USP36: variants seen among roughly 807,000 people sequenced by gnomAD.
USP36 encodes the protein ubiquitin specific peptidase 36, also known as ubiquitin carboxyl-terminal hydrolase 36.
USP36 carries 59 observed loss-of-function variants against 111.5 expected under a neutral mutation model. The observed-to-expected ratio is 0.53, with a 90% CI of 0.43 to 0.66. The LOEUF is 0.66. Ranked by LOEUF, USP36 falls within the 30% of genes least tolerant of loss-of-function variation. The pLI, the probability that USP36 is intolerant of heterozygous loss-of-function variation, is 0.00. For missense variants in USP36, 1,488 were observed against 1,468.0 expected, an observed-to-expected ratio of 1.01 and a Z score of -0.22; for synonymous variants, 628 against 581.0, an observed-to-expected ratio of 1.08 and a Z score of -1.16.
At position 78,803,696 on chromosome 17, in the gene USP36, G is replaced by C; in HGVS notation, c.2499C>G (p.Ile833Met). The C allele has an allele frequency of 6.2e-7, 1 of 1,611,634 alleles. No individual in the cohort carries two copies. Among genetic ancestry groups the C allele is most frequent in the Non-Finnish European group, 8.5e-7 (1 of 1,179,846 alleles). Residue 833 changes from isoleucine to methionine, a missense_variant, in exon 16 of 21, where the codon ATC (isoleucine) becomes ATG (methionine). Ile to Met is a conservative substitution (Grantham distance 10). Coordinates refer to ENST00000449938, the MANE Select transcript of USP36 (RefSeq NM_001385174.1). The surrounding 1 kb of genome is among the most constrained non-coding windows in gnomAD (Gnocchi z 4.6). Reference protein sequence around the residue: ...LGSETRLPQHIREATAAPHGK... With the variant: ...LGSETRLPQHMREATAAPHGK... ...CGTGGGGAGCCGCAGTGGCCTCCCTGATGTGCTGTGGGAGGCGCGTCTCTG... is the reference window on the plus strand; with the variant it reads ...CGTGGGGAGCCGCAGTGGCCTCCCTCATGTGCTGTGGGAGGCGCGTCTCTG...
chr17:78,836,596 C>T (rs988844409), intron 2 of USP36, among the ~76,000 whole-genome samples: 1 of 152,102 alleles, frequency 6.6e-6, no homozygotes, highest in African/African-American at 2.4e-5. Context: ...GATGCCACTA[C>T]AAATAGAGGT....
Position 78,797,319 on chromosome 17 carries a change from C to T in USP36, c.*581G>A, listed in dbSNP as rs2093644311. 6.6e-6 allele frequency: 1 copy of T among 152,280 alleles called. No homozygotes were observed. The highest frequency in any genetic ancestry group is 6.5e-5 in the Admixed American group (1 of 15,282). The allele number at this position is 152,280 out of a possible 1,614,324, so 9.4% of individuals were successfully genotyped here. ...AAGGAAGGGGTGCACAGTAGGGCCA[C>T]CCTCTCGAGTTCCATAAAAGGGAGA... On this transcript the variant is annotated 3_prime_UTR_variant, in exon 21 of 21. Transcript: ENST00000449938.
At chr17:78,801,691 G>A (rs2093747257) in intron 17 of USP36, among the ~76,000 whole-genome samples, 1 of 152,176 alleles carries the variant, frequency 6.6e-6, no homozygotes, top group Non-Finnish European at 1.5e-5. Context: ...GAATGGCCCA[G>A]CTACATAGAG....
At position 78,807,586 on chromosome 17, in the gene USP36, A is replaced by G; in HGVS notation, c.1458T>C (p.Gly486=). The change falls in exon 14 of 21, where the codon GGT becomes GGC. Residue 486 remains glycine, a synonymous_variant. Coordinates refer to ENST00000449938, the MANE Select transcript of USP36 (RefSeq NM_001385174.1). ...TGGAGCCATTCCTGGATATGGGCAC[A>G]CCAATCTCTTCAGTGGTGTGCGGCT... ...MKKPHTTEEI[G]VPISRNGSTL... The G allele has an allele frequency of 6.3e-7, 1 of 1,591,790 alleles. No homozygotes were observed. Among genetic ancestry groups the G allele is most frequent in the South Asian group, 1.1e-5 (1 of 87,472 alleles).
rs767930328 is a variant in USP36, at chr17:78,807,139, G to A, written c.1905C>T (p.Ala635=). The A allele has an allele frequency of 2.2e-5, 36 of 1,614,224 alleles. No individual in the cohort carries two copies. Among genetic ancestry groups the A allele is most frequent in the South Asian group, 4.4e-5 (4 of 91,088 alleles). ...TCGTTTCCTGAGAATCGCAGAGATG[G>A]GCCGCTCCACTCCTGGGGGTCTGGG... ...KAPQTPRSGA[A]HLCDSQETNC... is the part of the protein sequence containing the mutation. Residue 635 remains alanine, a synonymous_variant, in exon 14 of 21, where the codon GCC becomes GCT. Coordinates refer to ENST00000449938, the MANE Select transcript of USP36 (RefSeq NM_001385174.1).
At chr17:78,812,394 T>G (rs1010114603) in intron 13 of USP36, among the ~76,000 whole-genome samples, 2 of 151,940 alleles carry the variant, frequency 1.3e-5, no homozygotes, top group Non-Finnish European at 2.9e-5. Context: ...ATGACCAGTT[T>G]AAGAAATAAC....
downstream of USP36, among the ~76,000 whole-genome samples, chr17:78,790,831 T>C (rs1251295119): frequency 6.6e-6 from 1 of 152,236 alleles, no homozygotes; most frequent in African/African-American, 2.4e-5. Context: ...AGAAGCTACC[T>C]AAATACCTAG....
At chr17:78,806,063 A>G in intron 15 of USP36, 93 bp downstream of exon 15, 1 of 1,592,594 alleles carries the variant, frequency 6.3e-7, no homozygotes, top group South Asian at 1.1e-5. Flanking sequence ...CTGTCCTGTG[A>G]GGTTGGCGAT....
chr17:78,829,488 C>G lies in USP36; in HGVS notation c.476-481G>C, dbSNP rs542819988. On this transcript the variant is annotated intron_variant, in intron 4 of 20. Transcript: ENST00000449938. ...CGTCTGTTCCACTGGTTCTAGTAAA[C>G]ACCTCGCTAGGATACATCTGGGGTT... Among the ~76,000 whole-genome samples the G allele has an allele frequency of 2.0e-5, 3 of 152,188 alleles. No individual in the cohort carries two copies. In the East Asian group the frequency reaches 5.8e-4, roughly 29 times the overall value.
chr17:78,803,976 G>A lies in USP36; in HGVS notation c.2219C>T (p.Ala740Val). The change falls in exon 16 of 21, where the codon GCT becomes GTT. Residue 740 changes from alanine (A) to valine (V), a missense_variant and splice_region_variant. By Grantham distance (64) the Ala-to-Val change is moderately conservative. Coordinates refer to ENST00000449938, the MANE Select transcript of USP36 (RefSeq NM_001385174.1). The surrounding 1 kb of genome is among the most constrained non-coding windows in gnomAD (Gnocchi z 4.6). The part of the protein sequence containing the change: ...ASTWPVHRAR[A>V]VSPAPQSSSR... ...GGATGATTGGGGAGCAGGTGACACA[G>A]CCCTGTGGGGACAGCCAGGAAACAG... 6.3e-7 allele frequency: 1 copy of A among 1,580,390 alleles called. No individual in the cohort carries two copies. Among genetic ancestry groups the A allele is most frequent in the Non-Finnish European group, 8.6e-7 (1 of 1,166,272 alleles).
At chr17:78,812,697 GAAAAAAAAA>G (rs572009070) in intron 13 of USP36, among the ~76,000 whole-genome samples, 154 bp downstream of exon 13, 53 of 52,654 alleles carry the variant, frequency 1.0e-3, no homozygotes, top group Admixed American at 3.7e-3. Flanking sequence ...ACTCTGTCTC[GAAAAAAAAA>G]AAAAAAAAAA....
At chr17:78,818,914 G>T in intron 9 of USP36, 136 bp from the exon 10 acceptor site, 2 of 829,286 alleles carry the variant, frequency 2.4e-6, no homozygotes, top group South Asian at 1.7e-5. Context: ...TCGACCTTCT[G>T]CTCCTCTCAA....
chr17:78,838,371 C>CAAAAAAAAAAAAAAA (rs1195525371), intron 2 of USP36, among the ~76,000 whole-genome samples: 6 of 58,522 alleles, frequency 1.0e-4, no homozygotes, highest in African/African-American at 3.4e-4. Context: ...GACTTGGTCT[C>CAAAAAAAAAAAAAAA]AAAAAAAAAA....
rs2093799849 is a variant in USP36 at position 78,803,200 on chromosome 17, G to A, written c.2810+185C>T. Among the ~76,000 whole-genome samples, 1 of 152,126 alleles carries A rather than the reference G, an allele frequency of 6.6e-6. No individual in the cohort carries two copies. The highest frequency in any genetic ancestry group is 2.4e-5 in the African/African-American group (1 of 41,428). On this transcript the variant is annotated intron_variant, in intron 16 of 20. Coordinates refer to ENST00000449938, the MANE Select transcript of USP36 (RefSeq NM_001385174.1). The surrounding 1 kb of genome is among the most constrained non-coding windows in gnomAD (Gnocchi z 4.6). ...GATCCACCCGCCTCAGCCTCCCAAA[G>A]TGCTAGGATTACAGGTGTGAGCCAC...
chr17:78,809,494 C>A (rs2093996558), intron 13 of USP36, among the ~76,000 whole-genome samples: 1 of 152,088 alleles, frequency 6.6e-6, no homozygotes, highest in South Asian at 2.1e-4. Flanking sequence ...TTTGGAAAAT[C>A]ACGTTTGTAA....
intron 15 of USP36, among the ~76,000 whole-genome samples, chr17:78,805,193 C>G (rs984044675): frequency 6.6e-6 from 1 of 152,174 alleles, no homozygotes; most frequent in Non-Finnish European, 1.5e-5. Flanking sequence ...AACAGGACCC[C>G]CGTCATCATC....
In USP36 at chr17:78,807,586, A is replaced by ACCAATCTCGCGC; in HGVS notation, c.1457_1458insGCGCGAGATTGG (p.Gly486_Val487insArgGluIleGly). The ACCAATCTCGCGC allele has an allele frequency of 6.3e-7, 1 of 1,591,790 alleles. No homozygotes were observed. Among genetic ancestry groups the ACCAATCTCGCGC allele is most frequent in the Non-Finnish European group, 8.6e-7 (1 of 1,169,310 alleles). ...TGGAGCCATTCCTGGATATGGGCACACCAATCTCTTCAGTGGTGTGCGGCT... is the reference window on the plus strand; with the variant it reads ...TGGAGCCATTCCTGGATATGGGCACACCAATCTCGCGCCCAATCTCTTCAGTGGTGTGCGGCT... On this transcript the variant is annotated inframe_insertion, in exon 14 of 21. Transcript: ENST00000449938.
intron 6 of USP36, among the ~76,000 whole-genome samples, chr17:78,822,882 G>A (rs1288577015): frequency 2.6e-5 from 4 of 152,142 alleles, no homozygotes; most frequent in Non-Finnish European, 1.5e-5. Flanking sequence ...AGGCTGCGCA[G>A]TGCGCCGGTG....
At chr17:78,833,296 T>C (rs1386581287) in intron 4 of USP36, among the ~76,000 whole-genome samples, 1 of 152,188 alleles carries the variant, frequency 6.6e-6, no homozygotes, top group Non-Finnish European at 1.5e-5. Context: ...TTTTATGTTT[T>C]TTTGAGACGG....
Sources: gnomAD v4.1 joint callset for allele counts (sites outside exome capture counted in the v4.1 genomes callset) on GRCh38, gnomAD v4.1.1 for gene constraint, Gnocchi (gnomAD v3.1) non-coding constraint, MANE v1.5 for transcripts, NCBI Gene and HGNC (gene_info 2026-07-23, HGNC 2026-07-21) for gene names.